HAGH: variants seen among roughly 807,000 people sequenced by gnomAD.
HAGH encodes the protein hydroxyacylglutathione hydrolase, also known as hydroxyacylglutathione hydrolase, mitochondrial.
A neutral mutation model predicts 35.1 loss-of-function variants in HAGH; 29 were observed. The observed-to-expected ratio is 0.83, with a 90% CI of 0.62 to 1.13. The LOEUF (loss-of-function observed/expected upper bound fraction) is 1.13. HAGH is among the 50% of genes most tolerant of loss of function. The pLI, the probability that HAGH is intolerant of heterozygous loss-of-function variation, is 0.00. For missense variants in HAGH, 478 were observed against 419.6 expected, an observed-to-expected ratio of 1.14 and a Z score of -1.22; for synonymous variants, 225 against 176.1, an observed-to-expected ratio of 1.28 and a Z score of -2.20.
At chr16:1,809,610 A>T (rs1040892493) in intron 8 of HAGH, 144 bp downstream of exon 8, 6 of 724,676 alleles carry the variant, frequency 8.3e-6, no homozygotes, top group Non-Finnish European at 9.6e-6. Flanking sequence ...CCTCAAGAAG[A>T]GTGCTCGGGC....
chr16:1,826,971 G>A, upstream of HAGH: 1 of 614,868 alleles, frequency 1.6e-6, no homozygotes, highest in Non-Finnish European at 2.6e-6. Flanking sequence ...GACTGCCACG[G>A]GCCGGGAGAC....
rs2745199 is a variant in HAGH, at chr16:1,809,729, G to A, written c.827+25C>T. ...GGACTGCCAGAGGGGAGGGGCCCGCGCCCACCACCTGCCCTGGGCCTCACC... is the reference window on the plus strand; with the variant it reads ...GGACTGCCAGAGGGGAGGGGCCCGCACCCACCACCTGCCCTGGGCCTCACC... On this transcript the variant is annotated intron_variant, in intron 8 of 8. Coordinates refer to ENST00000397356, the MANE Select transcript of HAGH (RefSeq NM_005326.6). The A allele has an allele frequency of 0.75, 1,164,000 of 1,548,970 alleles. 438,901 individuals carry two copies. Among genetic ancestry groups the A allele is most frequent in the Middle Eastern group, 0.8 (4,739 of 5,934 alleles).
intron 7 of HAGH, among the ~76,000 whole-genome samples, chr16:1,811,214 G>C (rs559604959): frequency 3.9e-5 from 6 of 152,204 alleles, no homozygotes; most frequent in South Asian, 2.1e-4. Flanking sequence ...AGGAGTTCGA[G>C]ACCAGCCTGG....
At chr16:1,811,270 C>T (rs1567251524) in intron 7 of HAGH, among the ~76,000 whole-genome samples, 1 of 152,138 alleles carries the variant, frequency 6.6e-6, no homozygotes, top group South Asian at 2.1e-4. Context: ...AAAAATCAGC[C>T]GGGTGTGGTG....
intron 3 of HAGH, among the ~76,000 whole-genome samples, chr16:1,820,944 CG>C (rs951855578): frequency 6.6e-6 from 1 of 152,120 alleles, no homozygotes; most frequent in African/African-American, 2.4e-5. Context: ...TTAGAGGGGC[CG>C]GGGAACTAAA....
chr16:1,809,600 C>G (rs913802918), intron 8 of HAGH, among the ~76,000 whole-genome samples, 154 bp downstream of exon 8: 1 of 152,246 alleles, frequency 6.6e-6, no homozygotes, highest in African/African-American at 2.4e-5. Flanking sequence ...GCCGGACCCC[C>G]CTCAAGAAGA....
chr16:1,820,221 G>A (rs377733047), intron 3 of HAGH, among the ~76,000 whole-genome samples: 2 of 152,134 alleles, frequency 1.3e-5, no homozygotes, highest in Non-Finnish European at 2.9e-5. Flanking sequence ...GAGCGTGGGG[G>A]CCTGGGGTTA....
rs145452595 is a variant in HAGH at position 1,816,832 on chromosome 16, C to T, written c.747+61G>A. 8.8e-4 allele frequency: 926 copies of T among 1,050,068 alleles called. 14 individuals carry two copies. The East Asian group carries it at 0.02, about 23-fold the overall frequency. The allele number at this position is 1,050,068 out of a possible 1,614,324, so 65.0% of individuals were successfully genotyped here. On this transcript the variant is annotated intron_variant, in intron 7 of 8. Transcript: ENST00000397356. The stretch of plus-strand genomic sequence containing the variant: ...GTGTCTACCCACTCTGGCGACCCCG[C>T]TGTGCACAGCGGCCCTGAGCAGCCC...
intron 4 of HAGH, 53 bp from the exon 5 acceptor site, chr16:1,819,276 T>C (rs1596930096): frequency 8.2e-7 from 1 of 1,220,926 alleles, no homozygotes; most frequent in East Asian, 2.5e-5. Context: ...GAGAGCCATC[T>C]CCCGGGGTCA....
chr16:1,814,812 G>A (rs1161663045), intron 7 of HAGH, among the ~76,000 whole-genome samples: 2 of 151,530 alleles, frequency 1.3e-5, no homozygotes, highest in African/African-American at 4.8e-5. Context: ...GCAGGAGAAT[G>A]GCTTGAACCC....
At chr16:1,826,966 C>T (rs1256042689), upstream of HAGH, 6 of 616,264 alleles carry the variant, frequency 9.7e-6, no homozygotes, top group Non-Finnish European at 1.5e-5. Flanking sequence ...GCCCCGACTG[C>T]CACGGGCCGG....
intron 5 of HAGH, 44 bp from the exon 6 acceptor site, chr16:1,817,315 G>A: frequency 1.6e-6 from 2 of 1,256,960 alleles, no homozygotes; most frequent in African/African-American, 2.9e-5. Flanking sequence ...CTTGAGGCTG[G>A]TGGCTAGGAC....
At position 1,809,300 on chromosome 16, in the gene HAGH, T is replaced by C. The variant is rs1357488532; in HGVS notation, c.910A>G (p.Lys304Glu). The C allele has an allele frequency of 3.1e-6, 5 of 1,612,156 alleles. No homozygotes were observed. The South Asian group carries it at 5.5e-5, about 18-fold the overall frequency. Residue 304 changes from lysine (K) to glutamate (E), a missense_variant, in exon 9 of 9, where the codon AAG becomes GAG. Transcript: ENST00000397356. ...GGGCGGCCTCAGTCCCGGGGCATCT[T>C]GAACTGGTCCTTCTCCCTGCGCACG... ...RAVRREKDQF[K>E]MPRD
At chr16:1,812,627 T>C (rs549319157) in intron 7 of HAGH, among the ~76,000 whole-genome samples, 53 of 152,144 alleles carry the variant, frequency 3.5e-4, no homozygotes, top group African/African-American at 1.2e-3. Flanking sequence ...TTTAAAACTA[T>C]ACAAATTCCA....
At chr16:1,820,529 C>T (rs1380706049) in intron 3 of HAGH, among the ~76,000 whole-genome samples, 2 of 152,182 alleles carry the variant, frequency 1.3e-5, no homozygotes, top group African/African-American at 4.8e-5. Flanking sequence ...GGATGAGCAG[C>T]TGGCCCTAGA....
Position 1,816,896 on chromosome 16 carries a change from G to T in HAGH, c.744C>A (p.Ala248=). The stretch of plus-strand genomic sequence containing the variant: ...GCGCAGTGACGGCCCCACTCACCTT[G>T]GCCCAGGCCAGCTTCTCCCGGATGG... ...NAAIREKLAW[A]KEKYSIGEPT... is the part of the protein sequence containing the mutation. The change falls in exon 7 of 9, where the codon GCC becomes GCA. Residue 248 remains alanine, a synonymous_variant. Coordinates refer to ENST00000397356, the MANE Select transcript of HAGH (RefSeq NM_005326.6). 6.2e-7 allele frequency: 1 copy of T among 1,607,380 alleles called. No homozygotes were observed. Among genetic ancestry groups the T allele is most frequent in the Non-Finnish European group, 8.5e-7 (1 of 1,174,156 alleles).
chr16:1,815,806 G>C (rs1897863918), intron 7 of HAGH, among the ~76,000 whole-genome samples: 1 of 152,170 alleles, frequency 6.6e-6, no homozygotes, highest in Non-Finnish European at 1.5e-5. Flanking sequence ...ATTACCTGAA[G>C]TCAGGAGTTC....
Position 1,809,106 on chromosome 16 carries a change from TG to T in HAGH, c.*176del. ...GAAAACAGTCTGCAAGGGGAAGTTA[TG>T]GGAATAAATACTTGTTAAACTTCTC... On this transcript the variant is annotated 3_prime_UTR_variant, in exon 9 of 9. Coordinates refer to ENST00000397356, the MANE Select transcript of HAGH (RefSeq NM_005326.6). 1 of 569,100 alleles carries T rather than the reference TG, an allele frequency of 1.8e-6. No homozygotes were observed. The highest frequency in any genetic ancestry group is 3.1e-6 in the Non-Finnish European group (1 of 318,284). 35.3% of individuals were successfully genotyped at this position (569,100 alleles called of 1,614,324 possible).
In HAGH at chr16:1,822,970, G is replaced by A; in HGVS notation, c.144C>T (p.Thr48=). The A allele has an allele frequency of 6.2e-7, 1 of 1,613,784 alleles. No homozygotes were observed. Residue 48 remains threonine, a synonymous_variant, in exon 2 of 9, where the codon ACC becomes ACT. Transcript: ENST00000397356. ...LRKNLTVDEG[T]MKVEVLPALT... ...GGGCAGGCAGCACCTCTACCTTCATGGTGCCCTCGTCCACGGTCAGGTTCT... is the reference window on the plus strand; with the variant it reads ...GGGCAGGCAGCACCTCTACCTTCATAGTGCCCTCGTCCACGGTCAGGTTCT...
Sources: allele counts gnomAD v4.1 joint callset (sites outside exome capture counted in the v4.1 genomes callset), GRCh38; gene constraint gnomAD v4.1.1; transcripts MANE v1.5; gene names NCBI Gene and HGNC (gene_info 2026-07-23, HGNC 2026-07-21).